STK35: variants seen among roughly 807,000 people sequenced by gnomAD.
STK35 encodes serine/threonine kinase 35.
STK35 carries 17 observed loss-of-function variants against 37.3 expected under a neutral mutation model. The observed-to-expected ratio is 0.46, with a 90% confidence interval of 0.31 to 0.68. The LOEUF is 0.68. Ranked by LOEUF, STK35 falls within the 30% of genes least tolerant of loss-of-function variation. The pLI, the probability that STK35 is intolerant of heterozygous loss-of-function variation, is 0.05. For synonymous variants in STK35, 385 were observed against 319.1 expected, an observed-to-expected ratio of 1.21 and a Z score of -2.20; for missense variants, 595 against 746.7, an observed-to-expected ratio of 0.80 and a Z score of 2.37.
chr20:2,101,981 A>G lies in STK35; in HGVS notation c.100A>G (p.Ser34Gly), dbSNP rs747800456. 4 of 1,525,320 alleles carry G rather than the reference A, an allele frequency of 2.6e-6. No homozygotes were observed. The East Asian group carries it at 9.9e-5, about 38-fold the overall frequency. The allele number at this position is 1,525,320 out of a possible 1,614,324, so 94.5% of individuals were successfully genotyped here. Residue 34 changes from serine to glycine, a missense_variant, in exon 1 of 4, where the codon AGC becomes GGC. Physicochemically the swap from Ser to Gly is moderately conservative, Grantham distance 56 (BLOSUM62 0). Around this residue, in one of 3 missense-constraint regions of STK35, gnomAD observed 389 missense variants for 320.0 expected, o/e 1.22. Coordinates refer to ENST00000381482, the MANE Select transcript of STK35 (RefSeq NM_080836.4). ...GCTCAGCTGGCGCGAACACGTGGAA[A>G]GCCACGGGAGCCTAGGAGCCCAGGC... ...KGLSWREHVE[S>G]HGSLGAQASP...
At chr20:2,124,690 C>T (rs1186468976) in intron 3 of STK35, among the ~76,000 whole-genome samples, 2 of 152,136 alleles carry the variant, frequency 1.3e-5, no homozygotes, top group Non-Finnish European at 2.9e-5. Context: ...AGTGAAGAGT[C>T]AGAGTGTTTG....
At position 2,143,831 on chromosome 20, in the gene STK35, G is replaced by A. The variant is rs762846758; in HGVS notation, c.*85G>A. On this transcript the variant is annotated 3_prime_UTR_variant, in exon 4 of 4. Coordinates refer to ENST00000381482, the MANE Select transcript of STK35 (RefSeq NM_080836.4). ...TCTCACCACGTCTCCTCCAGAGGAC[G>A]GCAGAGGGTACAGGTGGTGGCCTGG... 6 of 418,408 alleles carry A rather than the reference G, an allele frequency of 1.4e-5. No homozygotes were observed. The highest frequency in any genetic ancestry group is 5.2e-5 in the South Asian group (3 of 58,108). 25.9% of individuals were successfully genotyped at this position (418,408 alleles called of 1,614,324 possible). A position where few individuals can be genotyped will look rare whatever the true frequency, so the allele number is the denominator to read the frequency against.
intron 3 of STK35, among the ~76,000 whole-genome samples, chr20:2,135,648 A>G (rs1043809636): frequency 6.6e-6 from 1 of 152,142 alleles, no homozygotes; most frequent in Non-Finnish European, 1.5e-5. Flanking sequence ...GGATCACTTG[A>G]CCCCAGGAGT....
chr20:2,129,660 C>T (rs565936819), intron 3 of STK35, among the ~76,000 whole-genome samples: 4 of 152,204 alleles, frequency 2.6e-5, no homozygotes, highest in East Asian at 3.9e-4. Flanking sequence ...GTTTGAGAGA[C>T]GTGTCATACG....
At chr20:2,127,305 G>C (rs960519386) in intron 3 of STK35, among the ~76,000 whole-genome samples, 3 of 151,436 alleles carry the variant, frequency 2.0e-5, no homozygotes, top group African/African-American at 7.3e-5. Flanking sequence ...AGCCCTCTCA[G>C]AAAGCTAGGC....
At chr20:2,106,530 C>G (rs968297024) in intron 2 of STK35, among the ~76,000 whole-genome samples, 3 of 152,154 alleles carry the variant, frequency 2.0e-5, no homozygotes, top group Non-Finnish European at 2.9e-5. Context: ...TTCAAGATCA[C>G]TGGAGGAAAT....
intron 2 of STK35, among the ~76,000 whole-genome samples, chr20:2,104,209 A>G (rs1217646507): frequency 6.6e-6 from 1 of 152,120 alleles, no homozygotes; most frequent in Non-Finnish European, 1.5e-5. Flanking sequence ...CAGTACTCAC[A>G]AGCCTTTTTC....
At chr20:2,118,996 A>C (rs951419558) in intron 3 of STK35, among the ~76,000 whole-genome samples, 10 of 152,218 alleles carry the variant, frequency 6.6e-5, no homozygotes, top group Non-Finnish European at 1.0e-4. Flanking sequence ...TAAGCAGCCC[A>C]TTGTTAAGCG....
intron 3 of STK35, among the ~76,000 whole-genome samples, chr20:2,126,033 G>A (rs1985899441): frequency 6.6e-6 from 1 of 152,216 alleles, no homozygotes; most frequent in African/African-American, 2.4e-5. Context: ...TGAACCCAGG[G>A]ATTTTAAAGT....
intron 2 of STK35, among the ~76,000 whole-genome samples, chr20:2,113,717 TG>T (rs1176424436): frequency 6.6e-6 from 1 of 152,174 alleles, no homozygotes; most frequent in Admixed American, 6.5e-5. Flanking sequence ...TGGGGTTGAG[TG>T]GGAATGATGA....
intron 3 of STK35, among the ~76,000 whole-genome samples, chr20:2,133,863 G>A (rs1385048749): frequency 1.3e-5 from 2 of 152,164 alleles, no homozygotes; most frequent in Admixed American, 1.3e-4. Context: ...TGACTTTCTG[G>A]CACACTTGAG....
At position 2,144,044 on chromosome 20, in the gene STK35, A is replaced by G. The variant is rs921088041; in HGVS notation, c.*298A>G. 44 of 359,798 alleles carry G rather than the reference A, an allele frequency of 1.2e-4. No homozygotes were observed. The highest frequency in any genetic ancestry group is 6.9e-4 in the Admixed American group (17 of 24,760). The allele number at this position is 359,798 out of a possible 1,614,324, so 22.3% of individuals were successfully genotyped here. A position where few individuals can be genotyped will look rare whatever the true frequency, so the allele number is the denominator to read the frequency against. ...GACACAATGCTGTGGACAGGCACCAATTTCTTTAAAGAAATTCAATGTGGG... is the reference window on the plus strand; with the variant it reads ...GACACAATGCTGTGGACAGGCACCAGTTTCTTTAAAGAAATTCAATGTGGG... On this transcript the variant is annotated 3_prime_UTR_variant, in exon 4 of 4. Coordinates refer to ENST00000381482, the MANE Select transcript of STK35 (RefSeq NM_080836.4).
At chr20:2,138,624 C>T (rs1428292744) in intron 3 of STK35, among the ~76,000 whole-genome samples, 1 of 152,176 alleles carries the variant, frequency 6.6e-6, no homozygotes, top group East Asian at 1.9e-4. Flanking sequence ...TTCCACATTT[C>T]CTAAGATGGT....
intron 3 of STK35, among the ~76,000 whole-genome samples, chr20:2,130,654 G>A (rs1461542500): frequency 1.3e-5 from 2 of 152,118 alleles, no homozygotes; most frequent in East Asian, 3.8e-4. Context: ...TTGATTTTGA[G>A]AACTACTTTA....
chr20:2,119,041 A>G lies in STK35; in HGVS notation c.*37+1626A>G, dbSNP rs570664643. On this transcript the variant is annotated intron_variant, in intron 3 of 3. Coordinates refer to ENST00000381482, the MANE Select transcript of STK35 (RefSeq NM_080836.4). ...TGTATGTGCTAGGCTCTGGGGTGAC[A>G]TGATAAGCCAAATCAGAGACTTTCT... is the stretch of plus-strand genomic sequence containing the variant. Among the ~76,000 whole-genome samples the G allele has an allele frequency of 1.2e-4, 18 of 152,374 alleles. No homozygotes were observed. In the East Asian group the frequency reaches 2.5e-3, roughly 21 times the overall value.
chr20:2,107,457 A>G (rs1985537997), intron 2 of STK35, among the ~76,000 whole-genome samples: 1 of 152,220 alleles, frequency 6.6e-6, no homozygotes, highest in Admixed American at 6.5e-5. Flanking sequence ...CTGCACACCA[A>G]GTGGCTTTGA....
At chr20:2,126,870 C>T (rs117428664) in intron 3 of STK35, among the ~76,000 whole-genome samples, 3,851 of 152,262 alleles carry the variant, frequency 0.025, 90 homozygotes, top group Non-Finnish European at 0.039. Context: ...CAGGTCAGAA[C>T]TCTATATTTT....
At chr20:2,110,739 A>G (rs576415596) in intron 2 of STK35, among the ~76,000 whole-genome samples, 6 of 152,336 alleles carry the variant, frequency 3.9e-5, no homozygotes, top group African/African-American at 1.4e-4. Context: ...GCTGAAAGAC[A>G]GATCTGCATG....
In STK35 at chr20:2,112,595, C is replaced by T. The variant is rs186511908; in HGVS notation, c.893-4071C>T. On this transcript the variant is annotated intron_variant, in intron 2 of 3. Coordinates refer to ENST00000381482, the MANE Select transcript of STK35 (RefSeq NM_080836.4). ...TTCTCTCCTATCCCCCCCAGTTACTCATGGTAAGGGCCCTCGGGCAGACTC... is the reference window on the plus strand; with the variant it reads ...TTCTCTCCTATCCCCCCCAGTTACTTATGGTAAGGGCCCTCGGGCAGACTC... 2.2e-3 allele frequency among the ~76,000 whole-genome samples: 329 copies of T among 152,246 alleles called. 1 individual carries two copies. The highest frequency in any genetic ancestry group is 3.6e-3 in the Admixed American group (55 of 15,292).
Sources: gnomAD v4.1 joint callset for allele counts (sites outside exome capture counted in the v4.1 genomes callset) on GRCh38, gnomAD v4.1.1 for gene constraint, gnomAD v4.1.1 regional missense constraint, MANE v1.5 for transcripts, NCBI Gene and HGNC (gene_info 2026-07-23, HGNC 2026-07-21) for gene names.